NPNT: variants seen among roughly 807,000 people sequenced by gnomAD.
NPNT encodes the protein preosteoblast EGF-like repeat protein with MAM domain.
NPNT carries 45 observed loss-of-function variants against 68.6 expected under a neutral mutation model. The ratio of observed to expected loss-of-function variants is 0.66; its 90% CI spans 0.52 to 0.84. The LOEUF is 0.84. NPNT is among the 40% of genes least tolerant of loss of function. The pLI is 0.00. For missense variants in NPNT, 672 were observed against 714.8 expected, an observed-to-expected ratio of 0.94 and a Z score of 0.68; for synonymous variants, 233 against 253.3, an observed-to-expected ratio of 0.92 and a Z score of 0.76.
At chr4:105,911,542 C>T (rs1332192504) in intron 2 of NPNT, 1 of 152,430 alleles carries the variant, frequency 6.6e-6, no homozygotes, top group East Asian at 1.9e-4. Flanking sequence ...CAAGTTTCTT[C>T]CCTTTACTTT....
intron 2 of NPNT, 119 bp from the exon 3 acceptor site, chr4:105,927,217 C>T: frequency 3.3e-6 from 2 of 603,256 alleles, no homozygotes; most frequent in Non-Finnish European, 3.0e-6. Flanking sequence ...TATACTTTGG[C>T]TACTTTGTTG....
Position 105,971,172 on chromosome 4 carries a change from G to A in NPNT, c.*2182G>A, listed in dbSNP as rs757741006. The A allele has an allele frequency of 1.5e-5, 7 of 454,844 alleles. No individual in the cohort carries two copies. Among genetic ancestry groups the A allele is most frequent in the Middle Eastern group, 3.3e-4 (1 of 3,072 alleles). 28.2% of individuals were successfully genotyped at this position (454,844 alleles called of 1,614,324 possible). ...TCATCGGGTGCATTCTCTCTGCTTC[G>A]TGTGTGACAAGTTATCTTGGCTGCT... On this transcript the variant is annotated 3_prime_UTR_variant, in exon 12 of 12. Transcript: ENST00000379987.
intron 10 of NPNT, among the ~76,000 whole-genome samples, chr4:105,964,272 C>A (rs1225929478): frequency 6.6e-6 from 1 of 152,164 alleles, no homozygotes; most frequent in Non-Finnish European, 1.5e-5. Flanking sequence ...ATCAGATGTA[C>A]CACAATGTAT....
At chr4:105,966,801 C>A (rs1290474459) in intron 10 of NPNT, among the ~76,000 whole-genome samples, 1 of 152,002 alleles carries the variant, frequency 6.6e-6, no homozygotes, top group Admixed American at 6.5e-5. Context: ...TCAGTTTTAC[C>A]AAACCACCAA....
intron 2 of NPNT, among the ~76,000 whole-genome samples, chr4:105,907,885 A>C (rs1160430305): frequency 1.3e-5 from 2 of 152,176 alleles, no homozygotes; most frequent in East Asian, 1.9e-4. Context: ...ATTCCTAATA[A>C]AATTTCTAAT....
chr4:105,953,925 T>C (rs1392296423), intron 8 of NPNT, among the ~76,000 whole-genome samples: 3 of 152,200 alleles, frequency 2.0e-5, no homozygotes, highest in Admixed American at 2.0e-4. Flanking sequence ...TGCTTACATT[T>C]TGCTATAGTT....
At chr4:105,944,588 G>A (rs1730235751) in intron 8 of NPNT, among the ~76,000 whole-genome samples, 1 of 152,040 alleles carries the variant, frequency 6.6e-6, no homozygotes. Flanking sequence ...ATAAAATTGG[G>A]GAAATACAGA....
rs1578562106 is a variant in NPNT, at chr4:105,897,949, G to A, written c.120G>A (p.Gly40=). ...VSSIGLCRYG[G]RIDCCWGWAR... ...CGATTGGCCTATGTCGTTATGGTGG[G>A]AGGATTGACTGCTGCTGGGGCTGGG... Residue 40 remains glycine, a synonymous_variant, in exon 2 of 12, where the codon GGG becomes GGA. Transcript: ENST00000379987. The A allele has an allele frequency of 6.2e-7, 1 of 1,613,752 alleles. No individual in the cohort carries two copies. The highest frequency in any genetic ancestry group is 8.5e-7 in the Non-Finnish European group (1 of 1,179,880).
In NPNT at chr4:105,967,068, A is replaced by G. The variant is rs557829881; in HGVS notation, c.1346-120A>G. On this transcript the variant is annotated intron_variant, in intron 10 of 11. Transcript: ENST00000379987. ...AAATAAGTCATATTTTTCTTCTTCA[A>G]AAATCTGGAATTCTTTACAAAGAAA... 5.9e-4 allele frequency: 577 copies of G among 976,760 alleles called. 1 individual carries two copies. The highest frequency in any genetic ancestry group is 7.8e-4 in the Non-Finnish European group (518 of 667,532). 60.5% of individuals were successfully genotyped at this position (976,760 alleles called of 1,614,324 possible).
At chr4:105,910,296 G>C (rs1727256675) in intron 2 of NPNT, among the ~76,000 whole-genome samples, 1 of 152,092 alleles carries the variant, frequency 6.6e-6, no homozygotes, top group Non-Finnish European at 1.5e-5. Context: ...CTGAAGCAAG[G>C]GTTCTTAGGC....
chr4:105,949,472 A>G (rs937847015), intron 8 of NPNT, among the ~76,000 whole-genome samples: 2 of 152,134 alleles, frequency 1.3e-5, no homozygotes, highest in South Asian at 2.1e-4. Flanking sequence ...GAGGGCAGAA[A>G]GGTGCTGCAC....
intron 1 of NPNT, among the ~76,000 whole-genome samples, chr4:105,897,308 C>T (rs1445183151): frequency 1.3e-5 from 2 of 152,168 alleles, no homozygotes; most frequent in Admixed American, 6.5e-5. Context: ...ACACTTTAAA[C>T]TCTCCTTGGT....
intron 3 of NPNT, among the ~76,000 whole-genome samples, chr4:105,928,625 A>G (rs1195640923): frequency 5.3e-5 from 8 of 151,752 alleles, no homozygotes; most frequent in Admixed American, 1.3e-4. Flanking sequence ...AAAAAAAAAA[A>G]AAAAAGAAAA....
At chr4:105,955,475 T>C (rs535795629) in intron 8 of NPNT, among the ~76,000 whole-genome samples, 13 of 152,300 alleles carry the variant, frequency 8.5e-5, no homozygotes, top group Non-Finnish European at 1.5e-5. Context: ...AGACATATAA[T>C]TGCTATTTAT....
chr4:105,939,972 C>A, intron 5 of NPNT, 103 bp from the exon 6 acceptor site: 4 of 965,244 alleles, frequency 4.1e-6, no homozygotes, highest in Non-Finnish European at 6.4e-6. Context: ...TGATGAGCCA[C>A]TATATGCTAG....
intron 3 of NPNT, among the ~76,000 whole-genome samples, chr4:105,931,018 G>A (rs553347366): frequency 2.1e-4 from 32 of 152,220 alleles, no homozygotes; most frequent in African/African-American, 6.0e-4. Flanking sequence ...CAAGGCACAC[G>A]TTACCTTTCA....
At chr4:105,940,041 C>T (rs1729805446) in intron 5 of NPNT, 34 bp from the exon 6 acceptor site, 1 of 1,600,752 alleles carries the variant, frequency 6.2e-7, no homozygotes, top group Non-Finnish European at 8.6e-7. Flanking sequence ...CATACCCTTG[C>T]TCTTCCTAAA....
intron 10 of NPNT, among the ~76,000 whole-genome samples, chr4:105,962,329 G>A (rs907749308): frequency 1.3e-5 from 2 of 152,194 alleles, no homozygotes; most frequent in Admixed American, 1.3e-4. Flanking sequence ...TTAGCCTGGA[G>A]AAGAAATGAT....
chr4:105,964,619 T>C (rs1731977505), intron 10 of NPNT, among the ~76,000 whole-genome samples: 1 of 152,232 alleles, frequency 6.6e-6, no homozygotes, highest in African/African-American at 2.4e-5. Flanking sequence ...TGCATTTCTT[T>C]TATTGTGAAA....
Sources: allele counts gnomAD v4.1 joint callset (sites outside exome capture counted in the v4.1 genomes callset), GRCh38; gene constraint gnomAD v4.1.1; transcripts MANE v1.5; gene names NCBI Gene and HGNC (gene_info 2026-07-23, HGNC 2026-07-21).